The following BIN1 variants were observed in gnomAD, a reference collection of about 807,000 sequenced individuals.
BIN1 encodes bridging integrator 1, also known as myc box-dependent-interacting protein 1.
Under a neutral mutation model 82.0 loss-of-function variants are expected in BIN1, and 53 were observed. That is an observed-to-expected ratio of 0.65 (90% CI 0.52 to 0.81). The LOEUF (loss-of-function observed/expected upper bound fraction) is 0.81. Among genes scored for constraint, BIN1 ranks in the 40% least tolerant of loss-of-function variants. The pLI is 0.00. For synonymous variants in BIN1, 302 were observed against 328.0 expected (o/e 0.92, Z 0.86); for missense variants, 642 against 784.4 (o/e 0.82, Z 2.17).
chr2:127,068,243 G>A lies in BIN1; in HGVS notation c.532C>T (p.Leu178Phe). The A allele has an allele frequency of 6.2e-6, 10 of 1,613,010 alleles. No homozygotes were observed. The highest frequency in any genetic ancestry group is 7.6e-6 in the Non-Finnish European group (9 of 1,179,928). The change falls in exon 7 of 19, where the codon CTT becomes TTT. Residue 178 changes from leucine to phenylalanine, a missense_variant. By Grantham distance (22) the Leu-to-Phe change is conservative (BLOSUM62 0). Transcript: ENST00000316724. This position sits in a 1 kb window ranked among gnomAD's most constrained non-coding sequence, Gnocchi z 4.9. Reference protein sequence around the residue: ...EAKIAKPVSLLEKAAPQWCQG... With the variant: ...EAKIAKPVSLFEKAAPQWCQG... ...CACCACTGGGGGGCGGCTTTCTCAA[G>A]CAGCGAGACAGGCTGGGGTGGGGAG...
chr2:127,062,446 T>C (rs541016374), intron 9 of BIN1, among the ~76,000 whole-genome samples: 10 of 152,360 alleles, frequency 6.6e-5, no homozygotes, highest in African/African-American at 1.4e-4. Flanking sequence ...CTCCTACTTA[T>C]AGGGATATCC....
chr2:127,070,462 G>A (rs977276006), intron 4 of BIN1, 91 bp downstream of exon 4: 54 of 1,485,522 alleles, frequency 3.6e-5, no homozygotes, highest in Middle Eastern at 3.8e-4. Flanking sequence ...GAGAACCAGA[G>A]AGGCTTGTCC....
rs570022699 is a variant in BIN1 at position 127,061,320 on chromosome 2, G to C, written c.857+795C>G. Reference sequence around the variant, plus strand: ...AACTATTTTATGTTCAGGGAAGGAGGGGGCAATCACCACCACCCGATACCC... The same window carrying C: ...AACTATTTTATGTTCAGGGAAGGAGCGGGCAATCACCACCACCCGATACCC... On this transcript the variant is annotated intron_variant, in intron 10 of 18. Transcript: ENST00000316724. Among the ~76,000 whole-genome samples the C allele has an allele frequency of 5.4e-4, 82 of 152,080 alleles. No homozygotes were observed. In the South Asian group the frequency reaches 0.016, roughly 30 times the overall value.
intron 1 of BIN1, among the ~76,000 whole-genome samples, chr2:127,101,694 T>G (rs1487717774): frequency 1.3e-5 from 2 of 152,190 alleles, no homozygotes; most frequent in Non-Finnish European, 2.9e-5. Context: ...TGGTGAAAAG[T>G]TAAGCCCAGA....
chr2:127,050,393 C>A (rs776310891), intron 18 of BIN1, 28 bp downstream of exon 18: 19 of 1,612,066 alleles, frequency 1.2e-5, no homozygotes, highest in East Asian at 2.2e-5. Context: ...GGTCCCCCTG[C>A]GCTCTGGCGG....
chr2:127,097,531 A>T (rs1208075969), intron 1 of BIN1, among the ~76,000 whole-genome samples: 1 of 152,138 alleles, frequency 6.6e-6, no homozygotes, highest in Non-Finnish European at 1.5e-5. Flanking sequence ...TTCCAGCGAC[A>T]GGTGTCACCT....
intron 7 of BIN1, 39 bp from the exon 8 acceptor site, chr2:127,064,057 C>A (rs1684850561): frequency 6.2e-7 from 1 of 1,610,656 alleles, no homozygotes; most frequent in South Asian, 1.1e-5. Flanking sequence ...TGTTGGGCGT[C>A]CCAGCCAGCC....
At chr2:127,070,116 G>A (rs1255040303) in intron 4 of BIN1, 26 bp from the exon 5 acceptor site, 3 of 1,604,052 alleles carry the variant, frequency 1.9e-6, no homozygotes, top group Non-Finnish European at 8.5e-7. Context: ...GCACGACAGT[G>A]CCACCAGGAG....
chr2:127,070,458 C>T, intron 4 of BIN1, 95 bp downstream of exon 4: 1 of 1,473,718 alleles, frequency 6.8e-7, no homozygotes, highest in Non-Finnish European at 9.4e-7. Flanking sequence ...GCCCGAGAAC[C>T]AGAGAGGCTT....
chr2:127,078,664 C>T (rs1686924470), intron 1 of BIN1, among the ~76,000 whole-genome samples: 1 of 152,134 alleles, frequency 6.6e-6, no homozygotes, highest in Admixed American at 6.5e-5. Context: ...AGAGAAAAAC[C>T]AAAACAAAAC....
chr2:127,093,613 C>G lies in BIN1; in HGVS notation c.84+13247G>C, dbSNP rs1290176042. 6.6e-6 allele frequency among the ~76,000 whole-genome samples: 1 copy of G among 152,230 alleles called. No individual in the cohort carries two copies. Among genetic ancestry groups the G allele is most frequent in the Admixed American group, 6.5e-5 (1 of 15,286 alleles). ...CATATGTCTACACGGCTGTCCATTC[C>G]TCACCAACTTATGTCTGAAAACAGA... On this transcript the variant is annotated intron_variant, in intron 1 of 18. Transcript: ENST00000316724. The surrounding 1 kb of genome is among the most constrained non-coding windows in gnomAD (Gnocchi z 5.7).
intron 1 of BIN1, 132 bp downstream of exon 1, chr2:127,106,728 G>A: frequency 8.8e-7 from 1 of 1,139,526 alleles, no homozygotes; most frequent in Non-Finnish European, 1.2e-6. Context: ...CCCCTCGAAA[G>A]CGCTCCTCTA....
At chr2:127,062,804 C>T (rs1340664794) in intron 9 of BIN1, among the ~76,000 whole-genome samples, 3 of 152,252 alleles carry the variant, frequency 2.0e-5, no homozygotes, top group African/African-American at 7.2e-5. Context: ...TTAAACTTTT[C>T]GTAAGTTGTC....
intron 2 of BIN1, among the ~76,000 whole-genome samples, chr2:127,072,057 T>G (rs1685960031): frequency 6.6e-6 from 1 of 152,206 alleles, no homozygotes; most frequent in Admixed American, 6.5e-5. Flanking sequence ...ACACCCATGT[T>G]CCAGTCGCCT....
chr2:127,053,277 T>C (rs1211060452), intron 14 of BIN1, 145 bp downstream of exon 14: 4 of 1,220,110 alleles, frequency 3.3e-6, no homozygotes, highest in Non-Finnish European at 3.5e-6. Flanking sequence ...CAGCTCCCTG[T>C]GCGTGAGCAC....
In BIN1 at chr2:127,052,525, C is replaced by T. The variant is rs1683095292; in HGVS notation, c.1264-163G>A. The T allele has an allele frequency of 3.0e-5, 19 of 641,852 alleles. No homozygotes were observed. In the South Asian group the frequency reaches 3.3e-4, roughly 11 times the overall value. 39.8% of individuals were successfully genotyped at this position (641,852 alleles called of 1,614,324 possible). A position where few individuals can be genotyped will look rare whatever the true frequency, so the allele number is the denominator to read the frequency against. Reference sequence around the variant, plus strand: ...CCGGCCAGCCACCCGCCTCCCACATCCTCTCTCCTACCACTGTCAAAGGGA... The same window carrying T: ...CCGGCCAGCCACCCGCCTCCCACATTCTCTCTCCTACCACTGTCAAAGGGA... On this transcript the variant is annotated intron_variant, in intron 14 of 18. Coordinates refer to ENST00000316724, the MANE Select transcript of BIN1 (RefSeq NM_139343.3).
In BIN1 at chr2:127,063,507, G is replaced by A. The variant is rs879729405; in HGVS notation, c.774+64C>T. ...GAGGAGTTCAGGCTGCCCCTCCCAC[G>A]ACTCTGACTCTGACCCTCGGCCAGG... On this transcript the variant is annotated intron_variant, in intron 9 of 18. Transcript: ENST00000316724. The A allele has an allele frequency of 6.0e-5, 92 of 1,534,752 alleles. No individual in the cohort carries two copies. The Admixed American group carries it at 1.3e-3, about 21-fold the overall frequency.
Position 127,070,184 on chromosome 2 carries a change from C to A in BIN1, c.316-94G>T. ...GCAGGGACCAGCCCCAGCCCCATCT[C>A]TTCACAGCTCAGTGGCTTCTCAGAG... On this transcript the variant is annotated intron_variant, in intron 4 of 18. Coordinates refer to ENST00000316724, the MANE Select transcript of BIN1 (RefSeq NM_139343.3). 4 of 1,006,598 alleles carry A rather than the reference C, an allele frequency of 4.0e-6. No individual in the cohort carries two copies. In the South Asian group the frequency reaches 5.3e-5, roughly 13 times the overall value. The allele number at this position is 1,006,598 out of a possible 1,614,324, so 62.4% of individuals were successfully genotyped here. A position where few individuals can be genotyped will look rare whatever the true frequency, so the allele number is the denominator to read the frequency against.
intron 7 of BIN1, 101 bp from the exon 8 acceptor site, chr2:127,064,119 G>A (rs1166195104): frequency 1.3e-5 from 18 of 1,371,444 alleles, no homozygotes; most frequent in East Asian, 4.8e-5. Context: ...TGGCCAGTGC[G>A]CTGGGACCAG....
Sources: allele counts gnomAD v4.1 joint callset (sites outside exome capture counted in the v4.1 genomes callset), GRCh38; gene constraint gnomAD v4.1.1; non-coding constraint Gnocchi (gnomAD v3.1); transcripts MANE v1.5; gene names NCBI Gene and HGNC (gene_info 2026-07-23, HGNC 2026-07-21).